PRDM15: variants seen among roughly 807,000 people sequenced by gnomAD.
PRDM15 encodes PR domain zinc finger protein 15.
A neutral mutation model predicts 128.6 loss-of-function variants in PRDM15; 64 were observed. The observed-to-expected ratio is 0.50, with a 90% CI of 0.41 to 0.61. The LOEUF (loss-of-function observed/expected upper bound fraction) is 0.61, where lower values mean the gene tolerates loss of function less well. PRDM15 is among the 20% of genes least tolerant of loss of function. PRDM15 has a pLI of 0.00. For synonymous variants in PRDM15, 615 were observed against 621.8 expected, an observed-to-expected ratio of 0.99 and a Z score of 0.16; for missense variants, 1,242 against 1,569.1, an observed-to-expected ratio of 0.79 and a Z score of 3.52.
Position 41,801,220 on chromosome 21 carries a change from C to T in PRDM15, c.*20G>A, listed in dbSNP as rs544583763. The T allele has an allele frequency of 6.7e-5, 101 of 1,508,032 alleles. No individual in the cohort carries two copies. The highest frequency in any genetic ancestry group is 2.5e-4 in the African/African-American group (18 of 71,738). The allele number at this position is 1,508,032 out of a possible 1,614,324, so 93.4% of individuals were successfully genotyped here. ...AAACATCCCTCTGCAGTTCTTGCCCCGAGTCTCCCGGAACGCAGCTCAGTA... is the reference window on the plus strand; with the variant it reads ...AAACATCCCTCTGCAGTTCTTGCCCTGAGTCTCCCGGAACGCAGCTCAGTA... On this transcript the variant is annotated 3_prime_UTR_variant, in exon 24 of 24. Transcript: ENST00000398548.
chr21:41,844,340 C>A (rs1047511644), intron 6 of PRDM15, among the ~76,000 whole-genome samples: 1 of 151,640 alleles, frequency 6.6e-6, no homozygotes, highest in Non-Finnish European at 1.5e-5. Flanking sequence ...GAACACACAA[C>A]CCCTCAGCCC....
At chr21:41,809,175 A>C (rs181266221) in intron 21 of PRDM15, among the ~76,000 whole-genome samples, 240 of 151,578 alleles carry the variant, frequency 1.6e-3, no homozygotes, top group African/African-American at 5.6e-3. Flanking sequence ...AGTGCTTGTT[A>C]TCACTAATGT....
chr21:41,831,226 C>G (rs2062679187), intron 11 of PRDM15, among the ~76,000 whole-genome samples: 1 of 152,252 alleles, frequency 6.6e-6, no homozygotes, highest in Non-Finnish European at 1.5e-5. Context: ...CTCTGCTGCC[C>G]GAGGGAGCCG....
intron 6 of PRDM15, among the ~76,000 whole-genome samples, chr21:41,840,515 CA>C (rs1224440073): frequency 6.8e-6 from 1 of 147,756 alleles, no homozygotes; most frequent in Non-Finnish European, 1.5e-5. Flanking sequence ...GAAGCAAAAT[CA>C]AAACACTATG....
chr21:41,801,861 G>T (rs2061426426), intron 23 of PRDM15, 139 bp from the exon 24 acceptor site: 1 of 1,008,458 alleles, frequency 9.9e-7, no homozygotes, highest in South Asian at 1.8e-5. Flanking sequence ...AGTTAATTTT[G>T]TTCTGGAAAA....
rs192212155 is a variant in PRDM15, at chr21:41,828,827, C to T, written c.1367-494G>A. 1.0e-3 allele frequency among the ~76,000 whole-genome samples: 154 copies of T among 152,174 alleles called. 2 individuals are homozygous for T. The South Asian group carries it at 0.015, about 15-fold the overall frequency. On this transcript the variant is annotated intron_variant, in intron 11 of 23. Transcript: ENST00000398548. The surrounding 1 kb of genome is among the most constrained non-coding windows in gnomAD (Gnocchi z 5.7). ...GTGTTGGCCCCTCCCAACTCCTTCC[C>T]CGTGGGCGGGCATCAATGTGCCCAT...
At position 41,805,456 on chromosome 21, in the gene PRDM15, A is replaced by C. The variant is rs73373487; in HGVS notation, c.2653-842T>G. Among the ~76,000 whole-genome samples, 896 of 152,310 alleles carry C rather than the reference A, an allele frequency of 5.9e-3. 6 individuals carry two copies. The highest frequency in any genetic ancestry group is 0.02 in the African/African-American group (846 of 41,558). On this transcript the variant is annotated intron_variant, in intron 21 of 23. Coordinates refer to ENST00000398548, the MANE Select transcript of PRDM15 (RefSeq NM_001040424.3). ...AAAGCAGACTATGCTTTGTGGATGT[A>C]ACTCATTTAAAAAAGGAGAGAAGTG...
In PRDM15 at chr21:41,799,093, C is replaced by T. The variant is rs984489761; in HGVS notation, c.*2147G>A. The stretch of plus-strand genomic sequence containing the variant: ...ATTTGATGCGGTCTTACTCTAGGCA[C>T]TAAAACAACTTCTTTAAAAAAATAA... On this transcript the variant is annotated 3_prime_UTR_variant, in exon 24 of 24. Transcript: ENST00000398548. 4.6e-5 allele frequency: 7 copies of T among 152,212 alleles called. No individual in the cohort carries two copies. The highest frequency in any genetic ancestry group is 3.4e-3 in the Middle Eastern group (1 of 294). 9.4% of individuals were successfully genotyped at this position (152,212 alleles called of 1,614,324 possible). A position where few individuals can be genotyped will look rare whatever the true frequency, so the allele number is the denominator to read the frequency against.
chr21:41,878,745 T>C (rs762177474), intron 1 of PRDM15: 2 of 1,565,538 alleles, frequency 1.3e-6, no homozygotes, highest in Non-Finnish European at 1.7e-6. Flanking sequence ...GACCCCCCCG[T>C]GCGACCCGCA....
chr21:41,813,414 G>A (rs62216232), intron 19 of PRDM15: 18,964 of 152,564 alleles, frequency 0.12, 1,442 homozygotes, highest in Non-Finnish European at 0.18. Flanking sequence ...CAGGGGCAGA[G>A]GAGGCTGGCA....
intron 5 of PRDM15, among the ~76,000 whole-genome samples, chr21:41,852,663 C>T (rs755227923): frequency 6.6e-6 from 1 of 152,248 alleles, no homozygotes; most frequent in Admixed American, 6.5e-5. Context: ...GCTCACTTTA[C>T]CAACCTGGCC....
chr21:41,816,776 G>A (rs1226114046), intron 18 of PRDM15, among the ~76,000 whole-genome samples: 1 of 152,118 alleles, frequency 6.6e-6, no homozygotes, highest in African/African-American at 2.4e-5. Context: ...GATGAAGCCC[G>A]CTGCCTGCAC....
rs1443327861 is a variant in PRDM15 at position 41,806,044 on chromosome 21, AT to A, written c.2653-1431del. Among the ~76,000 whole-genome samples, 253 of 141,714 alleles carry A rather than the reference AT, an allele frequency of 1.8e-3. 6 individuals carry two copies. The highest frequency in any genetic ancestry group is 3.9e-3 in the African/African-American group (144 of 36,828). 93.0% of individuals were successfully genotyped at this position (141,714 alleles called of 152,430 possible). ...CACCACCACCACCATCACCACCACCATCACCACCACCACCATCACCATCACC... is the reference window on the plus strand; with the variant it reads ...CACCACCACCACCATCACCACCACCACACCACCACCACCATCACCATCACC... On this transcript the variant is annotated intron_variant, in intron 21 of 23. Transcript: ENST00000398548.
At position 41,851,997 on chromosome 21, in the gene PRDM15, T is replaced by C. The variant is rs144165780; in HGVS notation, c.538+2569A>G. Among the ~76,000 whole-genome samples the C allele has an allele frequency of 2.6e-5, 4 of 152,356 alleles. No individual in the cohort carries two copies. In the East Asian group the frequency reaches 7.7e-4, roughly 29 times the overall value. ...GGTAGAATTATTACAAGTGTCCTTT[T>C]ATTCTGAGAGGTTTTAGGGAGGAAT... On this transcript the variant is annotated intron_variant, in intron 5 of 23. Coordinates refer to ENST00000398548, the MANE Select transcript of PRDM15 (RefSeq NM_001040424.3).
At chr21:41,805,276 A>C (rs2061526973) in intron 21 of PRDM15, among the ~76,000 whole-genome samples, 1 of 152,218 alleles carries the variant, frequency 6.6e-6, no homozygotes, top group Non-Finnish European at 1.5e-5. Flanking sequence ...GATCATAAGA[A>C]AGACAACGGA....
At chr21:41,822,158 C>T (rs575120631) in intron 14 of PRDM15, 121 bp from the exon 15 acceptor site, 47 of 1,372,698 alleles carry the variant, frequency 3.4e-5, no homozygotes, top group African/African-American at 5.7e-5. Flanking sequence ...CTCTGATGCC[C>T]GTGGCGCCCT....
At chr21:41,815,870 C>G in intron 18 of PRDM15, 34 bp from the exon 19 acceptor site, 1 of 1,607,154 alleles carries the variant, frequency 6.2e-7, no homozygotes, top group Non-Finnish European at 8.5e-7. Flanking sequence ...GGCGGCCACA[C>G]CCCCACGCAG....
chr21:41,867,120 A>G (rs1219379953), intron 1 of PRDM15, among the ~76,000 whole-genome samples: 1 of 151,284 alleles, frequency 6.6e-6, no homozygotes, highest in East Asian at 2.0e-4. Context: ...GATGCCCGAC[A>G]CCCTCAGCCC....
At chr21:41,801,948 T>G (rs1036987600) in intron 23 of PRDM15, among the ~76,000 whole-genome samples, 1 of 152,040 alleles carries the variant, frequency 6.6e-6, no homozygotes, top group African/African-American at 2.4e-5. Flanking sequence ...CAAATTAATT[T>G]CACTGGCTAG....
Sources: allele counts gnomAD v4.1 joint callset (sites outside exome capture counted in the v4.1 genomes callset), GRCh38; gene constraint gnomAD v4.1.1; non-coding constraint Gnocchi (gnomAD v3.1); transcripts MANE v1.5; gene names NCBI Gene and HGNC (gene_info 2026-07-23, HGNC 2026-07-21).